Variants in ZFHX3 observed in about 807,000 individuals in gnomAD.
ZFHX3 encodes zinc finger homeobox protein 3.
In ZFHX3, 42 loss-of-function variants were observed where a neutral mutation model predicts 279.1. That is an observed-to-expected ratio of 0.15 (90% CI 0.12 to 0.19). The LOEUF (loss-of-function observed/expected upper bound fraction) is 0.19. ZFHX3 is among the 10% of genes least tolerant of loss of function. ZFHX3 has a pLI of 1.00. For missense variants in ZFHX3, 4,981 were observed against 4,754.0 expected, an observed-to-expected ratio of 1.05 and a Z score of -1.40; for synonymous variants, 2,293 against 1,957.8, an observed-to-expected ratio of 1.17 and a Z score of -4.52.
intron 5 of ZFHX3, among the ~76,000 whole-genome samples, chr16:73,236,031 G>T (rs2012937481): frequency 6.6e-6 from 1 of 152,170 alleles, no homozygotes; most frequent in Non-Finnish European, 1.5e-5. Context: ...TGCAAAGACA[G>T]TTTTAGCCTA....
intron 4 of ZFHX3, among the ~76,000 whole-genome samples, chr16:73,282,680 C>G (rs1456143012): frequency 6.6e-6 from 1 of 152,126 alleles, no homozygotes; most frequent in African/African-American, 2.4e-5. Flanking sequence ...TCTATCAGTT[C>G]AATGGTAGTG....
chr16:73,799,730 A>G (rs975329044), intron 1 of ZFHX3, among the ~76,000 whole-genome samples: 6 of 152,174 alleles, frequency 3.9e-5, no homozygotes, highest in Non-Finnish European at 8.8e-5. Context: ...AATCAACCCC[A>G]AAGGCGATCT....
At chr16:72,984,822 C>T (rs897287108) in intron 1 of ZFHX3, among the ~76,000 whole-genome samples, 8 of 151,978 alleles carry the variant, frequency 5.3e-5, no homozygotes, top group African/African-American at 1.9e-4. Flanking sequence ...CAGGCCTCAA[C>T]AGAATTTATA....
rs76308529 is a variant in ZFHX3 at position 73,523,719 on chromosome 16, T to C, written c.-1546-67461A>G. ...AAGTCTTTTCTCTTTCACTTCTTCC[T>C]GAATTTCCCCTCCTTTTGTTTTGTC... On this transcript the variant is annotated intron_variant, in intron 2 of 17. Transcript: ENST00000641206. 9.6e-3 allele frequency among the ~76,000 whole-genome samples: 1,454 copies of C among 152,070 alleles called. 28 individuals carry two copies. The highest frequency in any genetic ancestry group is 0.028 in the African/African-American group (1,155 of 41,470).
chr16:73,407,302 GTT>G (rs1451777512), intron 3 of ZFHX3, among the ~76,000 whole-genome samples: 1 of 152,192 alleles, frequency 6.6e-6, no homozygotes, highest in African/African-American at 2.4e-5. Context: ...TGGAATGACA[GTT>G]CGGCTGTGTA....
intron 1 of ZFHX3, among the ~76,000 whole-genome samples, chr16:73,699,788 C>T (rs901537312): frequency 1.3e-5 from 2 of 152,174 alleles, no homozygotes; most frequent in African/African-American, 4.8e-5. Context: ...AGTGACCCTG[C>T]CTGTACAACA....
At chr16:73,070,444 C>G (rs951603032) in intron 8 of ZFHX3, among the ~76,000 whole-genome samples, 1 of 152,078 alleles carries the variant, frequency 6.6e-6, no homozygotes, top group African/African-American at 2.4e-5. Context: ...CAAAATGTTT[C>G]CAAACCCCTT....
intron 1 of ZFHX3, among the ~76,000 whole-genome samples, chr16:73,810,254 T>C (rs1435887665): frequency 6.6e-6 from 1 of 152,198 alleles, no homozygotes; most frequent in Non-Finnish European, 1.5e-5. Flanking sequence ...CTCAATCAAA[T>C]AGTCTCTTGC....
chr16:72,933,813 CTTTTTTTTTTTTT>C lies in ZFHX3; in HGVS notation c.3216+16643_3216+16655del, dbSNP rs71391468. On this transcript the variant is annotated intron_variant, in intron 3 of 9. Transcript: ENST00000268489. Reference sequence around the variant, plus strand: ...TATGAAATGTTTAGCTCACAACTTTCTTTTTTTTTTTTTTTTTTTTTTTGAGACAGAGTCTCGC... The same window carrying C: ...TATGAAATGTTTAGCTCACAACTTTCTTTTTTTTTTGAGACAGAGTCTCGC... 4.5e-3 allele frequency among the ~76,000 whole-genome samples: 510 copies of C among 112,492 alleles called. 1 individual carries two copies. The highest frequency in any genetic ancestry group is 8.4e-3 in the Non-Finnish European group (425 of 50,714). The allele number at this position is 112,492 out of a possible 152,430, so 73.8% of individuals were successfully genotyped here.
At chr16:73,467,394 C>A (rs2018591986) in intron 2 of ZFHX3, among the ~76,000 whole-genome samples, 1 of 152,210 alleles carries the variant, frequency 6.6e-6, no homozygotes, top group African/African-American at 2.4e-5. Context: ...GGCTCCACAG[C>A]TCCTGCTCTC....
intron 7 of ZFHX3, among the ~76,000 whole-genome samples, chr16:73,095,795 T>G (rs1243102001): frequency 6.6e-6 from 1 of 152,190 alleles, no homozygotes; most frequent in African/African-American, 2.4e-5. Context: ...GCAACTTAAT[T>G]CAGACACAAA....
intron 4 of ZFHX3, among the ~76,000 whole-genome samples, chr16:73,310,455 A>G (rs2015298736): frequency 1.3e-5 from 2 of 152,332 alleles, no homozygotes; most frequent in Admixed American, 1.3e-4. Context: ...CCTTTCCTGC[A>G]TATGCAACTG....
intron 1 of ZFHX3, among the ~76,000 whole-genome samples, chr16:73,703,889 G>A (rs1429398411): frequency 6.6e-6 from 1 of 152,162 alleles, no homozygotes; most frequent in East Asian, 1.9e-4. Flanking sequence ...GGAATAAAAA[G>A]CAAGGTGAAA....
intron 2 of ZFHX3, among the ~76,000 whole-genome samples, chr16:73,675,813 T>C (rs1416130136): frequency 4.0e-5 from 6 of 151,618 alleles, no homozygotes; most frequent in Non-Finnish European, 8.8e-5. Flanking sequence ...ACAATACACA[T>C]ACACGCACGC....
chr16:72,792,691 C>T lies in ZFHX3; in HGVS notation c.9427+564G>A, dbSNP rs2035753321. On this transcript the variant is annotated intron_variant, in intron 9 of 9. Coordinates refer to ENST00000268489, the MANE Select transcript of ZFHX3 (RefSeq NM_006885.4). Reference sequence around the variant, plus strand: ...GGTCTCGATTTCCTGACCTTGTGATCTGCCCGCCTCGGCCTCCCAAAGTGC... The same window carrying T: ...GGTCTCGATTTCCTGACCTTGTGATTTGCCCGCCTCGGCCTCCCAAAGTGC... Among the ~76,000 whole-genome samples the T allele has an allele frequency of 2.6e-5, 4 of 152,254 alleles. No individual in the cohort carries two copies. In the South Asian group the frequency reaches 8.3e-4, roughly 32 times the overall value.
intron 3 of ZFHX3, among the ~76,000 whole-genome samples, chr16:73,357,045 T>C (rs1169008671): frequency 6.6e-6 from 1 of 151,936 alleles, no homozygotes; most frequent in Non-Finnish European, 1.5e-5. Flanking sequence ...GGTGGAAATG[T>C]GCTAGATAAT....
intron 4 of ZFHX3, among the ~76,000 whole-genome samples, chr16:72,870,784 A>G (rs2038142068): frequency 6.6e-6 from 1 of 152,014 alleles, no homozygotes; most frequent in South Asian, 2.1e-4. Context: ...GATCTAAGAT[A>G]TTCTTTTCAT....
intron 1 of ZFHX3, among the ~76,000 whole-genome samples, chr16:73,760,018 TA>T (rs745805659): frequency 8.9e-4 from 130 of 146,486 alleles, no homozygotes; most frequent in African/African-American, 2.9e-3. Flanking sequence ...TGTTTTTTTT[TA>T]AAAAAAAATT....
At chr16:72,812,947 G>A (rs774442355) in intron 5 of ZFHX3, among the ~76,000 whole-genome samples, 1 of 152,072 alleles carries the variant, frequency 6.6e-6, no homozygotes, top group African/African-American at 2.4e-5. Flanking sequence ...TTAGGCTCAG[G>A]GTTTATAGTT....
Sources: allele counts gnomAD v4.1 joint callset (sites outside exome capture counted in the v4.1 genomes callset), GRCh38; gene constraint gnomAD v4.1.1; transcripts MANE v1.5; gene names NCBI Gene and HGNC (gene_info 2026-07-23, HGNC 2026-07-21).